Variants in FSTL5 observed in about 807,000 individuals in gnomAD.
FSTL5 encodes follistatin-related protein 5.
FSTL5 carries 62 observed loss-of-function variants against 89.1 expected under a neutral mutation model. The observed-to-expected ratio is 0.70, with a 90% CI of 0.57 to 0.86. The LOEUF (loss-of-function observed/expected upper bound fraction) is 0.86. Ranked by LOEUF, FSTL5 falls within the 40% of genes least tolerant of loss-of-function variation. The pLI, the probability that FSTL5 is intolerant of heterozygous loss-of-function variation, is 0.00. For synonymous variants in FSTL5, 383 were observed against 346.2 expected (o/e 1.11, Z -1.18); for missense variants, 1,057 against 1,001.6 (o/e 1.06, Z -0.75).
intron 4 of FSTL5, among the ~76,000 whole-genome samples, chr4:161,861,197 T>C (rs1731899756): frequency 6.6e-6 from 1 of 151,852 alleles, no homozygotes; most frequent in Non-Finnish European, 1.5e-5. Flanking sequence ...CTGAGGCGAG[T>C]GGATCACCTG....
chr4:161,492,018 C>T (rs1560921518), intron 12 of FSTL5, among the ~76,000 whole-genome samples: 1 of 152,150 alleles, frequency 6.6e-6, no homozygotes, highest in African/African-American at 2.4e-5. Flanking sequence ...TAGGATTATA[C>T]AATATGCAGC....
intron 15 of FSTL5, among the ~76,000 whole-genome samples, chr4:161,398,142 T>C (rs1440333054): frequency 6.6e-6 from 1 of 152,060 alleles, no homozygotes; most frequent in Non-Finnish European, 1.5e-5. Flanking sequence ...AATAAAGCAA[T>C]AATGTCCCTC....
intron 7 of FSTL5, among the ~76,000 whole-genome samples, chr4:161,610,365 C>T (rs141787048): frequency 6.6e-6 from 1 of 152,188 alleles, no homozygotes; most frequent in East Asian, 1.9e-4. Flanking sequence ...ATGACTTAGT[C>T]AAAAATGGCA....
intron 3 of FSTL5, among the ~76,000 whole-genome samples, chr4:161,961,725 C>T (rs557685609): frequency 1.3e-5 from 2 of 151,656 alleles, no homozygotes; most frequent in Non-Finnish European, 2.9e-5. Context: ...TCAATTTCTC[C>T]GAAGTTGAAA....
At chr4:162,114,516 C>T (rs550197598) in intron 1 of FSTL5, among the ~76,000 whole-genome samples, 16 of 138,212 alleles carry the variant, frequency 1.2e-4, no homozygotes, top group Admixed American at 1.6e-4. Flanking sequence ...CCCTCTCTTT[C>T]TCTTTGTGTG....
At chr4:161,556,992 G>A (rs951067302) in intron 8 of FSTL5, among the ~76,000 whole-genome samples, 4 of 151,070 alleles carry the variant, frequency 2.6e-5, no homozygotes, top group African/African-American at 4.8e-5. Context: ...TTCAGAATGA[G>A]CTTCTTAATG....
intron 3 of FSTL5, among the ~76,000 whole-genome samples, chr4:161,968,577 G>A (rs202210685): frequency 6.6e-6 from 1 of 152,028 alleles, no homozygotes; most frequent in East Asian, 1.9e-4. Context: ...TTTGGAAGAA[G>A]ATATTTTAAA....
In FSTL5 at chr4:162,042,944, T is replaced by G. The variant is rs371759756; in HGVS notation, c.127-9286A>C. 1.6e-4 allele frequency among the ~76,000 whole-genome samples: 15 copies of G among 92,332 alleles called. No individual in the cohort carries two copies. The East Asian group carries it at 2.3e-3, about 14-fold the overall frequency. 60.6% of individuals were successfully genotyped at this position (92,332 alleles called of 152,430 possible). ...GGGAATATTACACTCTGGTGACTGTTGTGGGGTGGGGGGAGGGGGGAGGGA... is the reference window on the plus strand; with the variant it reads ...GGGAATATTACACTCTGGTGACTGTGGTGGGGTGGGGGGAGGGGGGAGGGA... On this transcript the variant is annotated intron_variant, in intron 2 of 15. Coordinates refer to ENST00000306100, the MANE Select transcript of FSTL5 (RefSeq NM_020116.5).
chr4:161,753,431 T>G (rs983931975), intron 6 of FSTL5, among the ~76,000 whole-genome samples: 2 of 152,206 alleles, frequency 1.3e-5, no homozygotes, highest in Non-Finnish European at 2.9e-5. Flanking sequence ...AAGTTAATTC[T>G]GTTCATAAGT....
At chr4:162,035,981 T>G (rs1737722254) in intron 2 of FSTL5, among the ~76,000 whole-genome samples, 1 of 152,098 alleles carries the variant, frequency 6.6e-6, no homozygotes, top group African/African-American at 2.4e-5. Flanking sequence ...TGCCACACTC[T>G]CTGAGATTTT....
intron 3 of FSTL5, among the ~76,000 whole-genome samples, chr4:161,978,226 C>T (rs1462955461): frequency 1.3e-5 from 2 of 151,994 alleles, no homozygotes; most frequent in African/African-American, 2.4e-5. Context: ...TATGAAATAT[C>T]CAAATGTATA....
At chr4:161,900,661 AAG>A (rs1235626548) in intron 4 of FSTL5, among the ~76,000 whole-genome samples, 1,160 of 103,980 alleles carry the variant, frequency 0.011, 12 homozygotes, top group Non-Finnish European at 0.016. Flanking sequence ...AAAAAAAAGA[AAG>A]AAAGAAAGAA....
At chr4:161,466,506 G>A (rs556676630) in intron 13 of FSTL5, among the ~76,000 whole-genome samples, 1 of 152,266 alleles carries the variant, frequency 6.6e-6, no homozygotes, top group South Asian at 2.1e-4. Flanking sequence ...TAATGATGCA[G>A]TTCTCAAGAT....
At position 162,026,058 on chromosome 4, in the gene FSTL5, A is replaced by C. The variant is rs375300785; in HGVS notation, c.160+7567T>G. The stretch of plus-strand genomic sequence containing the variant: ...TCTGGACAGACAAAGCAAAAAAAAA[A>C]ACGGAAATGTGATAGAATGTATAAT... On this transcript the variant is annotated intron_variant, in intron 3 of 15. Transcript: ENST00000306100. Among the ~76,000 whole-genome samples the C allele has an allele frequency of 7.6e-4, 115 of 151,874 alleles. 2 individuals are homozygous for C. Among genetic ancestry groups the C allele is most frequent in the Middle Eastern group, 6.9e-3 (2 of 288 alleles).
intron 3 of FSTL5, among the ~76,000 whole-genome samples, chr4:161,989,937 G>A (rs1381149841): frequency 6.6e-6 from 1 of 152,014 alleles, no homozygotes; most frequent in East Asian, 1.9e-4. Flanking sequence ...CGTTGGTGGT[G>A]GTAGTTGCAT....
chr4:161,745,704 T>C (rs1434614), intron 6 of FSTL5, among the ~76,000 whole-genome samples: 82,374 of 151,786 alleles, frequency 0.54, 26,297 homozygotes, highest in Non-Finnish European at 0.71. Flanking sequence ...ATAAGATAAA[T>C]TCCTGATCTC....
Position 161,931,840 on chromosome 4 carries a change from CA to C in FSTL5, c.161-11189del, listed in dbSNP as rs199648407. Among the ~76,000 whole-genome samples the C allele has an allele frequency of 5.8e-4, 88 of 152,054 alleles. 1 individual carries two copies. In the East Asian group the frequency reaches 0.015, roughly 26 times the overall value. On this transcript the variant is annotated intron_variant, in intron 3 of 15. Coordinates refer to ENST00000306100, the MANE Select transcript of FSTL5 (RefSeq NM_020116.5). Reference sequence around the variant, plus strand: ...ACAAGTCATTTGTTAACAGCAACAACATTCTAAAATGGTCATTTTTAGTATA... The same window carrying C: ...ACAAGTCATTTGTTAACAGCAACAACTTCTAAAATGGTCATTTTTAGTATA...
intron 6 of FSTL5, among the ~76,000 whole-genome samples, chr4:161,704,730 A>G (rs544414866): frequency 1.3e-5 from 2 of 152,208 alleles, no homozygotes; most frequent in South Asian, 2.1e-4. Flanking sequence ...TCCATCAGTC[A>G]ATTGCTTCAC....
At chr4:161,753,782 C>T (rs576549564) in intron 6 of FSTL5, among the ~76,000 whole-genome samples, 1 of 152,078 alleles carries the variant, frequency 6.6e-6, no homozygotes, top group Non-Finnish European at 1.5e-5. Context: ...GTGGCTCACG[C>T]CTGCAATCCC....
Sources: allele counts gnomAD v4.1 joint callset (sites outside exome capture counted in the v4.1 genomes callset), GRCh38; gene constraint gnomAD v4.1.1; transcripts MANE v1.5; gene names NCBI Gene and HGNC (gene_info 2026-07-23, HGNC 2026-07-21).